Variants in DYSF observed in about 807,000 individuals in gnomAD.
DYSF encodes dysferlin, also known as dystrophy-associated fer-1-like 1.
DYSF carries 212 observed loss-of-function variants against 274.9 expected under a neutral mutation model. The ratio of observed to expected loss-of-function variants is 0.77; its 90% CI spans 0.69 to 0.86. The LOEUF (loss-of-function observed/expected upper bound fraction) is 0.86. Ranked by LOEUF, DYSF falls within the 40% of genes least tolerant of loss-of-function variation. DYSF has a pLI of 0.00. For missense variants in DYSF, 2,666 were observed against 2,783.2 expected (o/e 0.96, Z 0.95); for synonymous variants, 1,091 against 1,078.7 (o/e 1.01, Z -0.22).
At position 71,600,860 on chromosome 2, in the gene DYSF, C is replaced by CAG; in HGVS notation, c.3897+18_3897+19insAG. On this transcript the variant is annotated intron_variant, in intron 34 of 55. Transcript: ENST00000410020. ...GAGAGAAGGTGAGGCTGGTCTATAT[C>CAG]CAGATCCAGGAGGCCCAGGCAGGAG... is the stretch of plus-strand genomic sequence containing the variant. The CAG allele has an allele frequency of 6.2e-7, 1 of 1,607,086 alleles. No individual in the cohort carries two copies. The highest frequency in any genetic ancestry group is 1.3e-5 in the African/African-American group (1 of 75,044).
At chr2:71,647,233 A>G (rs1258817572) in intron 42 of DYSF, among the ~76,000 whole-genome samples, 1 of 152,214 alleles carries the variant, frequency 6.6e-6, no homozygotes, top group Non-Finnish European at 1.5e-5. Context: ...AAGCTACATG[A>G]AATTAAAGTT....
intron 52 of DYSF, 95 bp downstream of exon 52, chr2:71,674,391 T>G: frequency 8.1e-7 from 1 of 1,238,860 alleles, no homozygotes; most frequent in East Asian, 2.4e-5. Flanking sequence ...TGGGGAAGCC[T>G]AGCAGGAGGA....
chr2:71,465,022 A>G (rs72896814), upstream of DYSF, among the ~76,000 whole-genome samples: 9,042 of 152,188 alleles, frequency 0.059, 631 homozygotes, highest in African/African-American at 0.17. Context: ...GATTGGAGAC[A>G]GAAAGTATGG....
chr2:71,469,278 T>C lies in DYSF; in HGVS notation c.91+2345T>C, dbSNP rs567117477. Among the ~76,000 whole-genome samples the C allele has an allele frequency of 2.6e-5, 4 of 152,268 alleles. No homozygotes were observed. In the East Asian group the frequency reaches 7.7e-4, roughly 29 times the overall value. On this transcript the variant is annotated intron_variant, in intron 1 of 55. Transcript: ENST00000410020. ...AACCAGGTTCAGAACTTACAGAGCA[T>C]GTAGGCTGGGGGGACTCAACTCTGG...
chr2:71,456,278 C>G (rs1448919610), intron 1 of DYSF, among the ~76,000 whole-genome samples: 1 of 152,218 alleles, frequency 6.6e-6, no homozygotes, highest in Non-Finnish European at 1.5e-5. Flanking sequence ...GCCCCCACCC[C>G]TGGTCATCAC....
Position 71,542,990 on chromosome 2 carries a change from C to T in DYSF, c.1576+3751C>T, listed in dbSNP as rs544539743. Among the ~76,000 whole-genome samples, 117 of 149,248 alleles carry T rather than the reference C, an allele frequency of 7.8e-4. No homozygotes were observed. In the East Asian group the frequency reaches 0.023, roughly 30 times the overall value. On this transcript the variant is annotated intron_variant, in intron 17 of 55. Coordinates refer to ENST00000410020, the MANE Select transcript of DYSF (RefSeq NM_001130987.2). ...CTACCTCCCGGACGGGGCAGCTGGC[C>T]GGACGGGGGCTGCCCCCCACCTCCC...
chr2:71,549,484 T>C, intron 17 of DYSF: 1 of 1,261,658 alleles, frequency 7.9e-7, no homozygotes, highest in Non-Finnish European at 1.1e-6. Flanking sequence ...GGTTTTTGAT[T>C]TGCCTGAGGT....
At chr2:71,632,887 G>A (rs1266078589) in intron 41 of DYSF, among the ~76,000 whole-genome samples, 1 of 152,208 alleles carries the variant, frequency 6.6e-6, no homozygotes, top group African/African-American at 2.4e-5. Flanking sequence ...CAGGCCAATA[G>A]TCAAGTGATC....
At chr2:71,579,548 T>C (rs1574134244) in intron 30 of DYSF, among the ~76,000 whole-genome samples, 1 of 152,108 alleles carries the variant, frequency 6.6e-6, no homozygotes, top group Non-Finnish European at 1.5e-5. Flanking sequence ...CAGGACCCCA[T>C]AGAGGATAAG....
At chr2:71,645,842 C>T (rs1353850648) in intron 42 of DYSF, among the ~76,000 whole-genome samples, 5 of 152,134 alleles carry the variant, frequency 3.3e-5, no homozygotes, top group Non-Finnish European at 5.9e-5. Flanking sequence ...GCAATTACCT[C>T]CCAGGCTTGG....
chr2:71,610,653 C>T (rs1008216273), intron 36 of DYSF: 1 of 161,546 alleles, frequency 6.2e-6, no homozygotes, highest in Non-Finnish European at 1.3e-5. Context: ...GGAGCCCCTT[C>T]TCCCATTGCT....
At chr2:71,519,335 AAGG>A (rs1227737796) in intron 10 of DYSF, among the ~76,000 whole-genome samples, 2 of 152,296 alleles carry the variant, frequency 1.3e-5, no homozygotes, top group Admixed American at 1.3e-4. Flanking sequence ...CTGAGAACCC[AAGG>A]GTTAAGTCAA....
At chr2:71,549,388 G>A (rs868079452) in intron 17 of DYSF, 1 of 1,612,156 alleles carries the variant, frequency 6.2e-7, no homozygotes, top group Non-Finnish European at 8.5e-7. Context: ...GAAAGCCTCA[G>A]ACTGTACGTT....
intron 16 of DYSF, 118 bp downstream of exon 16, chr2:71,535,429 G>T: frequency 1.8e-6 from 2 of 1,110,218 alleles, no homozygotes; most frequent in Non-Finnish European, 2.8e-6. Context: ...TTCAGGTGAG[G>T]TAATGTCCCC....
chr2:71,458,886 C>T (rs2081173464), intron 1 of DYSF, among the ~76,000 whole-genome samples: 5 of 152,206 alleles, frequency 3.3e-5, no homozygotes. Flanking sequence ...CCTCAGGTCA[C>T]ACCACTAGGA....
chr2:71,630,298 A>G (rs2094291846), intron 41 of DYSF, among the ~76,000 whole-genome samples: 1 of 152,242 alleles, frequency 6.6e-6, no homozygotes, highest in African/African-American at 2.4e-5. Flanking sequence ...ATGTGGGGCT[A>G]TTCTTCTGGG....
At chr2:71,494,601 T>C (rs115198719) in intron 3 of DYSF, among the ~76,000 whole-genome samples, 7,907 of 152,290 alleles carry the variant, frequency 0.052, 256 homozygotes, top group African/African-American at 0.11. Context: ...TGTGAGGCTC[T>C]TGTGGTCACA....
At chr2:71,551,975 A>G (rs1488333652) in intron 19 of DYSF, among the ~76,000 whole-genome samples, 1 of 152,240 alleles carries the variant, frequency 6.6e-6, no homozygotes, top group Non-Finnish European at 1.5e-5. Context: ...GCTTGATGCA[A>G]AATGAGATGC....
chr2:71,649,189 A>G lies in DYSF; in HGVS notation c.4626+5126A>G, dbSNP rs117663271. ...TATGGTCATATTTTACCTTAGACTC[A>G]AAATGAAAACAAATGGAAGGGTTAA... On this transcript the variant is annotated intron_variant, in intron 42 of 55. Transcript: ENST00000410020. 5.9e-4 allele frequency among the ~76,000 whole-genome samples: 89 copies of G among 152,100 alleles called. No individual in the cohort carries two copies. In the East Asian group the frequency reaches 0.016, roughly 27 times the overall value.
Sources: gnomAD v4.1 joint callset for allele counts (sites outside exome capture counted in the v4.1 genomes callset) on GRCh38, gnomAD v4.1.1 for gene constraint, MANE v1.5 for transcripts, NCBI Gene and HGNC (gene_info 2026-07-23, HGNC 2026-07-21) for gene names.